The following KNL1 variants were observed in gnomAD, a reference collection of about 807,000 sequenced individuals.
KNL1 encodes the protein kinetochore scaffold 1.
A neutral mutation model predicts 201.3 loss-of-function variants in KNL1; 66 were observed. The ratio of observed to expected loss-of-function variants is 0.33; its 90% confidence interval spans 0.27 to 0.40. The LOEUF (loss-of-function observed/expected upper bound fraction) is 0.40, where lower values mean the gene tolerates loss of function less well. Among genes scored for constraint, KNL1 ranks in the 10% least tolerant of loss-of-function variants. KNL1 has a pLI of 1.00. For missense variants in KNL1, 2,815 were observed against 2,690.5 expected (o/e 1.05, Z -1.02); for synonymous variants, 895 against 899.2 (o/e 1.00, Z 0.08).
chr15:40,654,343 T>G (rs1893655967), intron 21 of KNL1, among the ~76,000 whole-genome samples: 1 of 152,000 alleles, frequency 6.6e-6, no homozygotes, highest in African/African-American at 2.4e-5. Context: ...TGCACAGAAG[T>G]TAGGGGTTAA....
chr15:40,654,411 A>C (rs1893658212), intron 21 of KNL1, among the ~76,000 whole-genome samples: 1 of 151,742 alleles, frequency 6.6e-6, no homozygotes, highest in Admixed American at 6.6e-5. Flanking sequence ...CTTCAAAGAC[A>C]TACCAATCAA....
rs566292216 is a variant in KNL1 at position 40,611,480 on chromosome 15, A to G, written c.253A>G (p.Thr85Ala). 15 of 238,594 alleles carry G rather than the reference A, an allele frequency of 6.3e-5. 1 individual carries two copies. The South Asian group carries it at 1.5e-3, about 24-fold the overall frequency. 14.8% of individuals were successfully genotyped at this position (238,594 alleles called of 1,614,324 possible). A position where few individuals can be genotyped will look rare whatever the true frequency, so the allele number is the denominator to read the frequency against. Residue 85 changes from threonine (T) to alanine (A), a missense_variant and splice_region_variant, in exon 7 of 26, where the codon ACA becomes GCA. Transcript: ENST00000399668. ...TTTAATTTTAATTTTATTTTTAGAA[A>G]CAGAAACAGGAGAAAATCTTCTTTT... ...KIVRKSEMEE[T>A]ETGENLLLIQ...
chr15:40,660,006 G>A (rs1893862053), intron 25 of KNL1, among the ~76,000 whole-genome samples: 1 of 151,424 alleles, frequency 6.6e-6, no homozygotes, highest in Admixed American at 6.6e-5. Flanking sequence ...TGCCTCCTGG[G>A]TTCAAGTGAT....
Position 40,623,493 on chromosome 15 carries a change from G to A in KNL1, c.3229G>A (p.Val1077Ile). 6.2e-7 allele frequency: 1 copy of A among 1,612,562 alleles called. No homozygotes were observed. Among genetic ancestry groups the A allele is most frequent in the Non-Finnish European group, 8.5e-7 (1 of 1,179,588 alleles). Residue 1077 changes from valine (V) to isoleucine (I), a missense_variant, in exon 10 of 26, where the codon GTA becomes ATA. Physicochemically the swap from Val to Ile is conservative, Grantham distance 29. Coordinates refer to ENST00000399668, the MANE Select transcript of KNL1 (RefSeq NM_144508.5). ...SLKLKNDKTI[V>I]FSENHKNDMD... The stretch of plus-strand genomic sequence containing the variant: ...TAAGCTAAAAAATGACAAGACCATT[G>A]TATTTTCAGAGAATCATAAAAATGA...
chr15:40,647,145 G>A lies in KNL1; in HGVS notation c.6094+71G>A, dbSNP rs974189997. On this transcript the variant is annotated intron_variant, in intron 17 of 25. Transcript: ENST00000399668. ...TAAATGCTCTCCTACAGTAGAGAAT[G>A]TTGGTACCACGATATTGAAGACTTG... is the stretch of plus-strand genomic sequence containing the variant. The A allele has an allele frequency of 6.4e-6, 5 of 780,284 alleles. No individual in the cohort carries two copies. In the African/African-American group the frequency reaches 7.0e-5, roughly 11 times the overall value. 48.3% of individuals were successfully genotyped at this position (780,284 alleles called of 1,614,324 possible).
intron 7 of KNL1, among the ~76,000 whole-genome samples, chr15:40,613,239 GGAA>G (rs994771525): frequency 2.0e-5 from 3 of 152,082 alleles, no homozygotes; most frequent in African/African-American, 7.2e-5. Flanking sequence ...GGTAAAACAG[GGAA>G]GAAGAAAAGC....
intron 17 of KNL1, among the ~76,000 whole-genome samples, chr15:40,647,873 A>G (rs1288117883): frequency 6.6e-6 from 1 of 152,188 alleles, no homozygotes; most frequent in Non-Finnish European, 1.5e-5. Flanking sequence ...TGGCTGCTCA[A>G]TCCAGCTTCT....
intron 1 of KNL1, among the ~76,000 whole-genome samples, chr15:40,598,306 T>C (rs1037262457): frequency 6.6e-6 from 1 of 152,144 alleles, no homozygotes; most frequent in African/African-American, 2.4e-5. Flanking sequence ...CCTGCTGGCT[T>C]ATACCGGTAA....
chr15:40,633,694 C>T (rs1892977335), intron 13 of KNL1, among the ~76,000 whole-genome samples: 2 of 152,018 alleles, frequency 1.3e-5, no homozygotes, highest in Non-Finnish European at 2.9e-5. Flanking sequence ...GCACAAGCCA[C>T]CACACCTGGC....
chr15:40,653,800 T>G (rs1160928432), intron 21 of KNL1, among the ~76,000 whole-genome samples: 1 of 152,212 alleles, frequency 6.6e-6, no homozygotes, highest in Non-Finnish European at 1.5e-5. Flanking sequence ...TAAATGATCA[T>G]GGTGTTTCCT....
chr15:40,642,730 C>T (rs914755982), intron 14 of KNL1, among the ~76,000 whole-genome samples: 22 of 152,112 alleles, frequency 1.4e-4, no homozygotes, highest in South Asian at 2.1e-4. Flanking sequence ...TGGGTTCAAG[C>T]GATTCTCTTG....
At chr15:40,611,717 T>C (rs1056058506) in intron 7 of KNL1, among the ~76,000 whole-genome samples, 2 of 151,844 alleles carry the variant, frequency 1.3e-5, no homozygotes, top group Non-Finnish European at 2.9e-5. Flanking sequence ...TATAAACCTT[T>C]ATATTTATTA....
chr15:40,640,093 C>CTTTTTTTTTTTTTTTTTT (rs1893180630), intron 13 of KNL1, among the ~76,000 whole-genome samples: 1 of 137,742 alleles, frequency 7.3e-6, no homozygotes, highest in Admixed American at 7.2e-5. Flanking sequence ...TTCTTTTTTT[C>CTTTTTTTTTTTTTTTTTT]TTTTCTTTTT....
chr15:40,602,046 T>C (rs908145176), intron 1 of KNL1, among the ~76,000 whole-genome samples: 2 of 150,226 alleles, frequency 1.3e-5, no homozygotes, highest in Non-Finnish European at 3.0e-5. Flanking sequence ...TGTTTTTTTT[T>C]TGAGACGGAG....
chr15:40,634,847 C>G (rs904124467), intron 13 of KNL1, among the ~76,000 whole-genome samples: 2 of 152,168 alleles, frequency 1.3e-5, no homozygotes, highest in Non-Finnish European at 2.9e-5. Context: ...TGTTATGAAT[C>G]TTCCCCTTTC....
At chr15:40,657,211 A>T in intron 23 of KNL1, 60 bp downstream of exon 23, 4 of 1,170,144 alleles carry the variant, frequency 3.4e-6, no homozygotes, top group Non-Finnish European at 5.0e-6. Context: ...AAAAAGCAGA[A>T]CTGAAACTTT....
At chr15:40,647,444 A>T (rs578052671) in intron 17 of KNL1, among the ~76,000 whole-genome samples, 10 of 152,294 alleles carry the variant, frequency 6.6e-5, no homozygotes, top group African/African-American at 1.9e-4. Flanking sequence ...ACTGCACTCC[A>T]GCCTGGGTGG....
chr15:40,641,942 G>A (rs1024499394), intron 14 of KNL1, among the ~76,000 whole-genome samples: 9 of 152,092 alleles, frequency 5.9e-5, no homozygotes, highest in Admixed American at 2.6e-4. Context: ...GATTCCCTTA[G>A]GTAAATCAGA....
chr15:40,620,989 C>T lies in KNL1; in HGVS notation c.725C>T (p.Pro242Leu), dbSNP rs1432347915. 6.2e-7 allele frequency: 1 copy of T among 1,603,760 alleles called. No individual in the cohort carries two copies. The highest frequency in any genetic ancestry group is 2.2e-5 in the East Asian group (1 of 44,808). Reference protein sequence around the residue: ...DVPDKENFEIPIYSKEPNSAS... With the variant: ...DVPDKENFEILIYSKEPNSAS... Reference sequence around the variant, plus strand: ...CCTGATAAAGAAAATTTTGAGATACCTATTTATTCCAAGGAACCGAACAGT... The same window carrying T: ...CCTGATAAAGAAAATTTTGAGATACTTATTTATTCCAAGGAACCGAACAGT... The change falls in exon 10 of 26, where the codon CCT (proline) becomes CTT (leucine). Residue 242 changes from proline to leucine, a missense_variant. By Grantham distance (98) the Pro-to-Leu change is moderately conservative (BLOSUM62 -3). Around this residue, in one of 3 missense-constraint regions of KNL1, gnomAD observed 2,464 missense variants for 2,291.7 expected, o/e 1.08. Coordinates refer to ENST00000399668, the MANE Select transcript of KNL1 (RefSeq NM_144508.5).
Sources: gnomAD v4.1 joint callset for allele counts (sites outside exome capture counted in the v4.1 genomes callset) on GRCh38, gnomAD v4.1.1 for gene constraint, gnomAD v4.1.1 regional missense constraint, MANE v1.5 for transcripts, NCBI Gene and HGNC (gene_info 2026-07-23, HGNC 2026-07-21) for gene names.